Variants in PPFIA2 observed in about 807,000 individuals in gnomAD.
PPFIA2 encodes the protein PPFI scaffold protein A2.
In PPFIA2, 46 loss-of-function variants were observed where a neutral mutation model predicts 175.5. That is an observed-to-expected ratio of 0.26 (90% confidence interval 0.21 to 0.34). The LOEUF (loss-of-function observed/expected upper bound fraction) is 0.34, where lower values mean the gene tolerates loss of function less well. Among genes scored for constraint, PPFIA2 ranks in the 10% least tolerant of loss-of-function variants. The probability of loss-of-function intolerance (pLI) is 1.00; values close to 1 mark genes in which losing one functional copy is unlikely to be tolerated. For synonymous variants in PPFIA2, 568 were observed against 511.4 expected (o/e 1.11, Z -1.49); for missense variants, 1,179 against 1,506.1 (o/e 0.78, Z 3.60).
chr12:81,285,942 G>A (rs2043223652), intron 24 of PPFIA2, among the ~76,000 whole-genome samples: 1 of 152,074 alleles, frequency 6.6e-6, no homozygotes, highest in South Asian at 2.1e-4. Context: ...GGAGATGACA[G>A]CTCCATGTGT....
At chr12:81,436,523 C>A (rs1006112017) in intron 7 of PPFIA2, among the ~76,000 whole-genome samples, 1 of 151,672 alleles carries the variant, frequency 6.6e-6, no homozygotes, top group Non-Finnish European at 1.5e-5. Flanking sequence ...TAGTTCTTAT[C>A]CTAAAGCTGC....
intron 5 of PPFIA2, among the ~76,000 whole-genome samples, chr12:81,449,858 C>G (rs1280324348): frequency 6.3e-5 from 9 of 143,254 alleles, no homozygotes; most frequent in Non-Finnish European, 1.3e-4. Flanking sequence ...TCTCATTGTT[C>G]AATTCCCACC....
intron 3 of PPFIA2, among the ~76,000 whole-genome samples, chr12:81,739,006 T>C (rs2082001880): frequency 6.6e-6 from 1 of 151,918 alleles, no homozygotes; most frequent in Admixed American, 6.6e-5. Context: ...AATGGGTCAC[T>C]TCATGATGAT....
intron 4 of PPFIA2, among the ~76,000 whole-genome samples, chr12:81,521,819 CAAAAA>C (rs958600445): frequency 1.9e-5 from 2 of 105,654 alleles, no homozygotes; most frequent in African/African-American, 7.3e-5. Context: ...CTCCATCTCA[CAAAAA>C]AAAAAAAAAA....
rs1567640128 is a variant in PPFIA2, at chr12:81,630,896, TA to T, written c.303+45894del. 2.9e-3 allele frequency among the ~76,000 whole-genome samples: 291 copies of T among 100,192 alleles called. 2 individuals are homozygous for T. The highest frequency in any genetic ancestry group is 7.3e-3 in the African/African-American group (141 of 19,250). 65.7% of individuals were successfully genotyped at this position (100,192 alleles called of 152,430 possible). ...TATGGAAAGGCTATATATATATATA[TA>T]TATTTTTTTTTTTTTTCCAGACAGA... On this transcript the variant is annotated intron_variant, in intron 4 of 32. Transcript: ENST00000549396.
chr12:81,328,058 T>A (rs1158637778), intron 21 of PPFIA2, among the ~76,000 whole-genome samples: 1 of 152,160 alleles, frequency 6.6e-6, no homozygotes, highest in East Asian at 1.9e-4. Flanking sequence ...CAAGTGCATA[T>A]TTTCAGCCCA....
chr12:81,528,592 G>T (rs923713551), intron 4 of PPFIA2, among the ~76,000 whole-genome samples: 2 of 151,932 alleles, frequency 1.3e-5, no homozygotes, highest in Non-Finnish European at 2.9e-5. Flanking sequence ...AATTGTCTAT[G>T]ACCACAAAAT....
At chr12:81,744,048 T>G (rs998029104) in intron 3 of PPFIA2, among the ~76,000 whole-genome samples, 2 of 152,202 alleles carry the variant, frequency 1.3e-5, no homozygotes, top group African/African-American at 2.4e-5. Flanking sequence ...TTCTTTTGTA[T>G]GTAAGACAAT....
intron 4 of PPFIA2, among the ~76,000 whole-genome samples, chr12:81,558,253 T>C (rs947822616): frequency 6.6e-6 from 1 of 152,140 alleles, no homozygotes; most frequent in Non-Finnish European, 1.5e-5. Context: ...AGTTGAAATA[T>C]ATAGAGAATC....
intron 27 of PPFIA2, among the ~76,000 whole-genome samples, chr12:81,277,983 T>C (rs2040985025): frequency 6.6e-6 from 1 of 152,096 alleles, no homozygotes; most frequent in South Asian, 2.1e-4. Flanking sequence ...AATTGATTGA[T>C]CCTTAAAGTA....
At chr12:81,489,715 T>C (rs1020329874) in intron 4 of PPFIA2, among the ~76,000 whole-genome samples, 58 of 152,032 alleles carry the variant, frequency 3.8e-4, no homozygotes, top group African/African-American at 1.4e-3. Flanking sequence ...GAGCACCCTA[T>C]AGTGTACAAG....
At chr12:81,596,455 T>C (rs1434461169) in intron 4 of PPFIA2, among the ~76,000 whole-genome samples, 2 of 152,112 alleles carry the variant, frequency 1.3e-5, no homozygotes, top group African/African-American at 4.8e-5. Flanking sequence ...CTTATCTTAA[T>C]TCCTACGGTT....
At chr12:81,567,207 C>G (rs1352209480) in intron 4 of PPFIA2, among the ~76,000 whole-genome samples, 1 of 152,146 alleles carries the variant, frequency 6.6e-6, no homozygotes, top group Non-Finnish European at 1.5e-5. Flanking sequence ...ACCACCATGC[C>G]TGGCTAATTT....
intron 4 of PPFIA2, among the ~76,000 whole-genome samples, chr12:81,573,903 T>C (rs1314984755): frequency 2.0e-5 from 3 of 151,878 alleles, no homozygotes; most frequent in Admixed American, 2.0e-4. Context: ...ATATCATAAT[T>C]GAAAGAAAAA....
At chr12:81,272,332 C>T (rs141243582) in intron 28 of PPFIA2, among the ~76,000 whole-genome samples, 1 of 151,958 alleles carries the variant, frequency 6.6e-6, no homozygotes, top group Admixed American at 6.6e-5. Flanking sequence ...CTTATTGTCT[C>T]TTACCTCACC....
At chr12:81,720,791 G>A (rs543276778) in intron 3 of PPFIA2, among the ~76,000 whole-genome samples, 140 of 151,366 alleles carry the variant, frequency 9.2e-4, no homozygotes, top group African/African-American at 3.3e-3. Flanking sequence ...TTTTGTGACT[G>A]AGCTGACTTG....
chr12:81,507,670 T>G (rs1401580827), intron 4 of PPFIA2, among the ~76,000 whole-genome samples: 1 of 152,212 alleles, frequency 6.6e-6, no homozygotes, highest in African/African-American at 2.4e-5. Flanking sequence ...ATCTTTCCTC[T>G]CAATTACTGT....
chr12:81,375,936 C>T lies in PPFIA2; in HGVS notation c.991G>A (p.Ala331Thr). The T allele has an allele frequency of 6.2e-7, 1 of 1,611,754 alleles. No individual in the cohort carries two copies. The highest frequency in any genetic ancestry group is 8.5e-7 in the Non-Finnish European group (1 of 1,178,800). The stretch of plus-strand genomic sequence containing the variant: ...CTTTCTTCCATATCTTCCTTTTGTG[C>T]CATGGCCTACAATTAAAATAATTTA... ...KYQRDIREAM[A>T]QKEDMEERIT... Residue 331 changes from alanine to threonine, a missense_variant, in exon 10 of 33, where the codon GCA becomes ACA. Around this residue, in one of 10 missense-constraint regions of PPFIA2, gnomAD observed 226 missense variants for 216.6 expected, o/e 1.04. Coordinates refer to ENST00000549396, the MANE Select transcript of PPFIA2 (RefSeq NM_003625.5).
intron 4 of PPFIA2, among the ~76,000 whole-genome samples, chr12:81,638,726 C>A (rs1595878406): frequency 9.0e-6 from 1 of 110,622 alleles, no homozygotes; most frequent in Non-Finnish European, 1.7e-5. Context: ...CTCGCTCTGT[C>A]GCCCAGGCTG....
Sources: gnomAD v4.1 joint callset for allele counts (sites outside exome capture counted in the v4.1 genomes callset) on GRCh38, gnomAD v4.1.1 for gene constraint, gnomAD v4.1.1 regional missense constraint, MANE v1.5 for transcripts, NCBI Gene and HGNC (gene_info 2026-07-23, HGNC 2026-07-21) for gene names.